OLFM3: variants seen among roughly 807,000 people sequenced by gnomAD.
The protein encoded by OLFM3 is noelin-3.
OLFM3 carries 20 observed loss-of-function variants against 48.6 expected under a neutral mutation model. The ratio of observed to expected loss-of-function variants is 0.41; its 90% CI spans 0.29 to 0.60. The LOEUF (loss-of-function observed/expected upper bound fraction) is 0.60, where lower values mean the gene tolerates loss of function less well. Among genes scored for constraint, OLFM3 ranks in the 20% least tolerant of loss-of-function variants. The pLI is 0.28. For synonymous variants in OLFM3, 222 were observed against 198.1 expected (o/e 1.12, Z -1.01); for missense variants, 437 against 544.3 (o/e 0.80, Z 1.96).
At position 101,915,151 on chromosome 1, in the gene OLFM3, G is replaced by A. The variant is rs577239340; in HGVS notation, c.70-78126C>T. On this transcript the variant is annotated intron_variant, in intron 1 of 5. Transcript: ENST00000370103. ...CAATACAACATTGCAGAAAAAGAAAGTCAATTTGATTTTTAAGCTGCAAGA... is the reference window on the plus strand; with the variant it reads ...CAATACAACATTGCAGAAAAAGAAAATCAATTTGATTTTTAAGCTGCAAGA... Among the ~76,000 whole-genome samples, 5 of 152,156 alleles carry A rather than the reference G, an allele frequency of 3.3e-5. No homozygotes were observed. The East Asian group carries it at 9.6e-4, about 29-fold the overall frequency.
At chr1:101,950,918 C>G (rs1252228675) in intron 1 of OLFM3, among the ~76,000 whole-genome samples, 1 of 152,162 alleles carries the variant, frequency 6.6e-6, no homozygotes, top group East Asian at 1.9e-4. Context: ...CTGCCACTTA[C>G]TGCAAACATG....
intron 4 of OLFM3, among the ~76,000 whole-genome samples, chr1:101,811,947 C>A (rs1290441632): frequency 6.6e-6 from 1 of 152,148 alleles, no homozygotes; most frequent in African/African-American, 2.4e-5. Flanking sequence ...AAATGTCCAA[C>A]AATGATAGAC....
intron 4 of OLFM3, among the ~76,000 whole-genome samples, chr1:101,808,425 G>C (rs543709375): frequency 2.0e-4 from 31 of 151,692 alleles, no homozygotes; most frequent in Non-Finnish European, 4.4e-4. Flanking sequence ...CCCGAGGAGG[G>C]AGATGATCTG....
intron 1 of OLFM3, among the ~76,000 whole-genome samples, chr1:101,867,456 T>G (rs1656901494): frequency 6.6e-6 from 1 of 152,208 alleles, no homozygotes; most frequent in South Asian, 2.1e-4. Flanking sequence ...CACACAATGT[T>G]TATAAAGTCA....
chr1:101,862,013 A>G (rs888374602), intron 1 of OLFM3, among the ~76,000 whole-genome samples: 10 of 152,218 alleles, frequency 6.6e-5, no homozygotes, highest in African/African-American at 1.9e-4. Flanking sequence ...GGCATACTTA[A>G]ATAAAGAAGA....
intron 1 of OLFM3, chr1:101,893,057 G>A (rs998248848): frequency 1.9e-5 from 3 of 160,704 alleles, no homozygotes; most frequent in African/African-American, 4.8e-5. Flanking sequence ...TCTCTTATAG[G>A]TGAAAGGATT....
intron 1 of OLFM3, among the ~76,000 whole-genome samples, chr1:101,935,554 G>T (rs574379612): frequency 5.3e-5 from 8 of 152,172 alleles, no homozygotes; most frequent in African/African-American, 1.7e-4. Flanking sequence ...GTATAAAGAA[G>T]AGCTGCTACC....
At chr1:101,924,331 G>A (rs1659195989) in intron 1 of OLFM3, among the ~76,000 whole-genome samples, 1 of 152,076 alleles carries the variant, frequency 6.6e-6, no homozygotes, top group Non-Finnish European at 1.5e-5. Flanking sequence ...AGTTCTTATG[G>A]ATTTTATTTT....
intron 1 of OLFM3, among the ~76,000 whole-genome samples, chr1:101,991,016 A>AAATATATATATATATATAT (rs1553186119): frequency 6.2e-5 from 2 of 32,220 alleles, no homozygotes; most frequent in African/African-American, 3.4e-4. Context: ...AAAAAAAAAA[A>AAATATATATATATATATAT]ATATATATAT....
chr1:101,962,586 T>C (rs1286781505), intron 1 of OLFM3, among the ~76,000 whole-genome samples: 1 of 152,124 alleles, frequency 6.6e-6, no homozygotes, highest in Non-Finnish European at 1.5e-5. Context: ...CTCTAGGAGG[T>C]TCCATGGCTT....
At chr1:101,988,183 G>A (rs1020183902) in intron 1 of OLFM3, among the ~76,000 whole-genome samples, 34 of 152,106 alleles carry the variant, frequency 2.2e-4, no homozygotes, top group Middle Eastern at 3.4e-3. Context: ...GGTAATATAT[G>A]AATTTATCAA....
chr1:101,809,784 A>G (rs775062307), intron 4 of OLFM3, among the ~76,000 whole-genome samples: 1 of 151,984 alleles, frequency 6.6e-6, no homozygotes, highest in Admixed American at 6.6e-5. Context: ...CTTGAATTTA[A>G]CTCTGGTAAT....
At chr1:101,935,658 C>G (rs1322578387) in intron 1 of OLFM3, among the ~76,000 whole-genome samples, 1 of 152,012 alleles carries the variant, frequency 6.6e-6, no homozygotes, top group Middle Eastern at 3.2e-3. Context: ...CAAAACCTGG[C>G]AGAGATGCAA....
intron 4 of OLFM3, among the ~76,000 whole-genome samples, chr1:101,807,082 T>C (rs1248108067): frequency 1.3e-5 from 2 of 151,826 alleles, no homozygotes; most frequent in Non-Finnish European, 2.9e-5. Context: ...TATATTAGTT[T>C]GGGTCACTTA....
At chr1:101,860,682 C>T (rs1176633943) in intron 1 of OLFM3, among the ~76,000 whole-genome samples, 1 of 152,050 alleles carries the variant, frequency 6.6e-6, no homozygotes, top group Non-Finnish European at 1.5e-5. Flanking sequence ...ATGTATGTGT[C>T]TTTTACATGA....
chr1:101,855,080 T>G (rs1656362196), intron 1 of OLFM3, among the ~76,000 whole-genome samples: 1 of 152,062 alleles, frequency 6.6e-6, no homozygotes, highest in African/African-American at 2.4e-5. Context: ...AATATAAAAT[T>G]TATCTTTAGA....
At chr1:101,916,814 G>C (rs1471219077) in intron 1 of OLFM3, among the ~76,000 whole-genome samples, 4 of 152,128 alleles carry the variant, frequency 2.6e-5, no homozygotes, top group African/African-American at 9.7e-5. Context: ...CCTACTGTGA[G>C]CCAGATACTA....
chr1:101,876,214 ACT>A (rs1657293572), intron 1 of OLFM3, among the ~76,000 whole-genome samples: 1 of 151,902 alleles, frequency 6.6e-6, no homozygotes, highest in South Asian at 2.1e-4. Flanking sequence ...TCTTCCCACA[ACT>A]CTCTTCTTAC....
At chr1:101,843,152 A>C (rs527459861) in intron 1 of OLFM3, among the ~76,000 whole-genome samples, 3 of 152,338 alleles carry the variant, frequency 2.0e-5, no homozygotes, top group African/African-American at 7.2e-5. Context: ...ATTTTATAGA[A>C]CTTTAAATTG....
Sources: allele counts gnomAD v4.1 joint callset (sites outside exome capture counted in the v4.1 genomes callset), GRCh38; gene constraint gnomAD v4.1.1; transcripts MANE v1.5; gene names NCBI Gene and HGNC (gene_info 2026-07-23, HGNC 2026-07-21).